COPB2: variants seen among roughly 807,000 people sequenced by gnomAD.
COPB2 encodes coatomer subunit beta'.
A neutral mutation model predicts 120.8 loss-of-function variants in COPB2; 16 were observed. The ratio of observed to expected loss-of-function variants is 0.13; its 90% confidence interval spans 0.09 to 0.20. The LOEUF is 0.20. Among genes scored for constraint, COPB2 ranks in the 10% least tolerant of loss-of-function variants. COPB2 has a pLI of 1.00. For synonymous variants in COPB2, 332 were observed against 366.3 expected, an observed-to-expected ratio of 0.91 and a Z score of 1.07; for missense variants, 794 against 1,076.5, an observed-to-expected ratio of 0.74 and a Z score of 3.67.
At chr3:139,369,946 A>G (rs1194492253) in intron 10 of COPB2, among the ~76,000 whole-genome samples, 1 of 152,230 alleles carries the variant, frequency 6.6e-6, no homozygotes, top group Non-Finnish European at 1.5e-5. Context: ...AAGATGCTGG[A>G]CTCAAGAGTA....
At chr3:139,382,491 G>C (rs1386780777) in intron 2 of COPB2, 2 of 152,220 alleles carry the variant, frequency 1.3e-5, no homozygotes, top group Non-Finnish European at 2.9e-5. Context: ...GACTAATACA[G>C]GGTATGAGTT....
chr3:139,383,278 C>A lies in COPB2; in HGVS notation c.141+20G>T, dbSNP rs7373302. The A allele has an allele frequency of 0.84, 1,353,634 of 1,612,066 alleles. 576,021 individuals are homozygous for A. Among genetic ancestry groups the A allele is most frequent in the East Asian group, 0.94 (41,899 of 44,804 alleles). Reference sequence around the variant, plus strand: ...CTCACATAGTATTTTATTTCTAATACAGTCCTGAAAAATTCCTACCTGTGT... The same window carrying A: ...CTCACATAGTATTTTATTTCTAATAAAGTCCTGAAAAATTCCTACCTGTGT... On this transcript the variant is annotated intron_variant, in intron 2 of 21. Transcript: ENST00000333188.
At chr3:139,379,552 T>G in intron 2 of COPB2, 86 bp from the exon 3 acceptor site, 1 of 1,051,010 alleles carries the variant, frequency 9.5e-7, no homozygotes, top group Non-Finnish European at 1.4e-6. Flanking sequence ...CATCCAATTT[T>G]TAAGATCACT....
At chr3:139,389,413 A>T in intron 1 of COPB2, 135 bp downstream of exon 1, 1 of 1,278,040 alleles carries the variant, frequency 7.8e-7, no homozygotes, top group Non-Finnish European at 1.0e-6. Flanking sequence ...TCAAACGACC[A>T]AGACCCCGCA....
chr3:139,377,118 T>C (rs1941728193), intron 5 of COPB2, among the ~76,000 whole-genome samples: 1 of 152,168 alleles, frequency 6.6e-6, no homozygotes, highest in Non-Finnish European at 1.5e-5. Flanking sequence ...GTATTAAGCA[T>C]CTAGGTCAGG....
intron 1 of COPB2, among the ~76,000 whole-genome samples, chr3:139,386,902 T>TA (rs1379769625): frequency 6.6e-6 from 1 of 151,902 alleles, no homozygotes; most frequent in Non-Finnish European, 1.5e-5. Context: ...AATCTCAGTT[T>TA]AAAAAAGAAC....
At chr3:139,386,538 T>C (rs1159890550) in intron 1 of COPB2, among the ~76,000 whole-genome samples, 2 of 152,166 alleles carry the variant, frequency 1.3e-5, no homozygotes, top group East Asian at 3.9e-4. Context: ...CACTTTCAAA[T>C]CATCATCTTA....
intron 2 of COPB2, chr3:139,380,985 G>C (rs1180280875): frequency 6.6e-6 from 1 of 152,174 alleles, no homozygotes; most frequent in African/African-American, 2.4e-5. Flanking sequence ...CAAATAAAGA[G>C]TAAGAAAAGC....
intron 2 of COPB2, chr3:139,382,910 G>T: frequency 4.6e-6 from 1 of 216,108 alleles, no homozygotes; most frequent in Non-Finnish European, 9.3e-6. Flanking sequence ...ATTTATCTGT[G>T]TATCATTATA....
rs371511624 is a variant in COPB2, at chr3:139,386,100, T to C, written c.4-2665A>G. The stretch of plus-strand genomic sequence containing the variant: ...GGGGATTTTTATCAAATTTGGGTCA[T>C]TGACTACTTCAAGTCTTGTTCTACC... On this transcript the variant is annotated intron_variant, in intron 1 of 21. Coordinates refer to ENST00000333188, the MANE Select transcript of COPB2 (RefSeq NM_004766.3). Among the ~76,000 whole-genome samples the C allele has an allele frequency of 5.9e-5, 9 of 152,326 alleles. No individual in the cohort carries two copies. In the East Asian group the frequency reaches 9.6e-4, roughly 16 times the overall value.
rs181534595 is a variant in COPB2 at position 139,364,858 on chromosome 3, G to A, written c.1884+1710C>T. Among the ~76,000 whole-genome samples, 54 of 152,250 alleles carry A rather than the reference G, an allele frequency of 3.5e-4. No homozygotes were observed. In the East Asian group the frequency reaches 7.5e-3, roughly 21 times the overall value. Reference sequence around the variant, plus strand: ...GAGGGCCCAAGGACATCAGATACTTGAGGAAAATCACTAACAGCAAAGATG... The same window carrying A: ...GAGGGCCCAAGGACATCAGATACTTAAGGAAAATCACTAACAGCAAAGATG... On this transcript the variant is annotated intron_variant, in intron 15 of 21. Transcript: ENST00000333188.
chr3:139,386,615 C>T (rs1941929190), intron 1 of COPB2, among the ~76,000 whole-genome samples: 1 of 152,092 alleles, frequency 6.6e-6, no homozygotes, highest in Non-Finnish European at 1.5e-5. Flanking sequence ...CCATAAATTA[C>T]TATTACAAAT....
intron 5 of COPB2, among the ~76,000 whole-genome samples, chr3:139,376,286 C>A (rs1433659856): frequency 6.6e-6 from 1 of 151,830 alleles, no homozygotes. Flanking sequence ...AAAATAAAGG[C>A]CTATTAAAAG....
intron 5 of COPB2, among the ~76,000 whole-genome samples, chr3:139,377,202 A>C (rs1941729399): frequency 6.6e-6 from 1 of 152,166 alleles, no homozygotes; most frequent in Non-Finnish European, 1.5e-5. Flanking sequence ...CAAATCCAGT[A>C]TTTCAGGGGA....
At position 139,374,647 on chromosome 3, in the gene COPB2, CTTAA is replaced by C. The variant is rs1190351616; in HGVS notation, c.652-63_652-60del. 5.8e-6 allele frequency: 8 copies of C among 1,385,794 alleles called. 1 individual carries two copies. The highest frequency in any genetic ancestry group is 1.4e-5 in the African/African-American group (1 of 70,126). The allele number at this position is 1,385,794 out of a possible 1,614,324, so 85.8% of individuals were successfully genotyped here. ...ATGAAAAACATGTAACCAGCCCGCC[CTTAA>C]TTTTCTCAGTGTACAGATACATTAT... On this transcript the variant is annotated intron_variant, in intron 6 of 21. Transcript: ENST00000333188.
At chr3:139,360,130 AATAC>A (rs1476832434) in intron 17 of COPB2, among the ~76,000 whole-genome samples, 2 of 152,080 alleles carry the variant, frequency 1.3e-5, no homozygotes, top group African/African-American at 4.8e-5. Context: ...TAAATTCATA[AATAC>A]ATTCACATAC....
rs746708016 is a variant in COPB2, at chr3:139,383,337, A to G, written c.102T>C (p.Leu34=). 2.0e-5 allele frequency: 32 copies of G among 1,613,850 alleles called. No homozygotes were observed. Among genetic ancestry groups the G allele is most frequent in the Admixed American group, 3.3e-5 (2 of 59,994 alleles). Residue 34 remains leucine, a synonymous_variant, in exon 2 of 22, where the codon CTT becomes CTC. Coordinates refer to ENST00000333188, the MANE Select transcript of COPB2 (RefSeq NM_004766.3). ...TCCAAACACACACACTGCCATTGTA[A>G]AGACTTGCCAACATCCATGGCTCTG... ...HPTEPWMLAS[L]YNGSVCVWNH... is the part of the protein sequence containing the mutation.
intron 16 of COPB2, among the ~76,000 whole-genome samples, chr3:139,361,507 A>T (rs1941419590): frequency 6.6e-6 from 1 of 152,252 alleles, no homozygotes; most frequent in Non-Finnish European, 1.5e-5. Flanking sequence ...AATCAATTTT[A>T]ATGATGTGCA....
At position 139,359,264 on chromosome 3, in the gene COPB2, C is replaced by G; in HGVS notation, c.2303+6G>C. 6.2e-7 allele frequency: 1 copy of G among 1,614,020 alleles called. No homozygotes were observed. The highest frequency in any genetic ancestry group is 8.5e-7 in the Non-Finnish European group (1 of 1,179,926). On this transcript the variant is annotated splice_donor_region_variant and intron_variant, in intron 18 of 21. Transcript: ENST00000333188. Reference sequence around the variant, plus strand: ...AACATTTCTTCCTAAAATTAAAAGTCTGTACCTTGAAACCTGACTGGGTAA... The same window carrying G: ...AACATTTCTTCCTAAAATTAAAAGTGTGTACCTTGAAACCTGACTGGGTAA...
Sources: allele counts gnomAD v4.1 joint callset (sites outside exome capture counted in the v4.1 genomes callset), GRCh38; gene constraint gnomAD v4.1.1; transcripts MANE v1.5; gene names NCBI Gene and HGNC (gene_info 2026-07-23, HGNC 2026-07-21).